Variants in SEH1L observed in about 807,000 individuals in gnomAD.
SEH1L encodes the protein nucleoporin SEH1.
SEH1L carries 18 observed loss-of-function variants against 49.5 expected under a neutral mutation model. That is an observed-to-expected ratio of 0.36 (90% CI 0.25 to 0.54). The LOEUF (loss-of-function observed/expected upper bound fraction) is 0.54. Among genes scored for constraint, SEH1L ranks in the 20% least tolerant of loss-of-function variants. The pLI, the probability that SEH1L is intolerant of heterozygous loss-of-function variation, is 0.87. For synonymous variants in SEH1L, 169 were observed against 178.1 expected (o/e 0.95, Z 0.41); for missense variants, 404 against 528.8 (o/e 0.76, Z 2.31).
At chr18:12,963,605 A>G (rs2031296376) in intron 4 of SEH1L, among the ~76,000 whole-genome samples, 2 of 152,238 alleles carry the variant, frequency 1.3e-5, no homozygotes. Context: ...TGCATATGCA[A>G]ATAACTATTT....
At chr18:12,980,878 C>A (rs1260848472) in intron 6 of SEH1L, among the ~76,000 whole-genome samples, 1 of 146,950 alleles carries the variant, frequency 6.8e-6, no homozygotes, top group African/African-American at 2.5e-5. Flanking sequence ...GGGCTGACCC[C>A]CCCCACCTCC....
chr18:12,951,654 G>A (rs947167860), intron 1 of SEH1L, among the ~76,000 whole-genome samples: 1 of 152,240 alleles, frequency 6.6e-6, no homozygotes, highest in Middle Eastern at 3.2e-3. Flanking sequence ...GCCTCCCAAA[G>A]TGCTGGGATT....
intron 5 of SEH1L, among the ~76,000 whole-genome samples, chr18:12,974,861 T>TCTAA (rs2031851508): frequency 6.6e-6 from 1 of 152,242 alleles, no homozygotes; most frequent in Non-Finnish European, 1.5e-5. Flanking sequence ...GAATGACTAG[T>TCTAA]CTAAGGTCCA....
chr18:12,980,620 C>T (rs1352156340), intron 6 of SEH1L, among the ~76,000 whole-genome samples: 1 of 133,984 alleles, frequency 7.5e-6, no homozygotes, highest in Non-Finnish European at 1.6e-5. Flanking sequence ...AGAGGGGCTC[C>T]TCTCTTCCCA....
chr18:12,965,744 G>A (rs2031421215), intron 4 of SEH1L, among the ~76,000 whole-genome samples: 1 of 152,162 alleles, frequency 6.6e-6, no homozygotes, highest in Non-Finnish European at 1.5e-5. Flanking sequence ...CATATATTTT[G>A]ACATTTTTTA....
At chr18:12,979,912 C>A (rs1411155357) in intron 6 of SEH1L, among the ~76,000 whole-genome samples, 1 of 125,168 alleles carries the variant, frequency 8.0e-6, no homozygotes, top group Non-Finnish European at 1.7e-5. Flanking sequence ...GGCGGCTGGC[C>A]GGGCAGAGGG....
intron 2 of SEH1L, 127 bp from the exon 3 acceptor site, chr18:12,955,336 A>T (rs2145610285): frequency 1.2e-6 from 1 of 822,272 alleles, no homozygotes; most frequent in East Asian, 2.5e-5. Context: ...TCTCTCATAG[A>T]AGTAAAACTA....
chr18:12,974,763 G>C (rs113792535), intron 5 of SEH1L, among the ~76,000 whole-genome samples: 8 of 152,310 alleles, frequency 5.3e-5, no homozygotes, highest in African/African-American at 1.9e-4. Flanking sequence ...GTGTTATGAA[G>C]TTTGAATCCT....
intron 5 of SEH1L, chr18:12,977,646 C>G (rs1216018967): frequency 6.6e-6 from 1 of 152,146 alleles, no homozygotes; most frequent in East Asian, 1.9e-4. Flanking sequence ...ATCACTTGAA[C>G]TCAGGAGGCG....
chr18:12,985,997 T>A, intron 8 of SEH1L: 1 of 900,488 alleles, frequency 1.1e-6, no homozygotes, highest in Non-Finnish European at 1.3e-6. Context: ...TTATATACAT[T>A]TGTGTATTTT....
rs780201740 is a variant in SEH1L at position 12,978,710 on chromosome 18, A to G, written c.621-42A>G. The G allele has an allele frequency of 1.9e-6, 3 of 1,566,274 alleles. No individual in the cohort carries two copies. In the Admixed American group the frequency reaches 5.1e-5, roughly 27 times the overall value. ...TGCAGTGATGTGTGGATTTTTGCAC[A>G]TTTTATTTCTAAAATGTTAATGTCA... On this transcript the variant is annotated intron_variant, in intron 5 of 8. Coordinates refer to ENST00000399892, the MANE Select transcript of SEH1L (RefSeq NM_001013437.2).
At chr18:12,956,006 C>CT (rs112254211) in intron 3 of SEH1L, among the ~76,000 whole-genome samples, 1,492 of 134,452 alleles carry the variant, frequency 0.011, 20 homozygotes, top group African/African-American at 0.037. Flanking sequence ...CTCTAAAATT[C>CT]TTTTTTTTTT....
chr18:12,950,752 T>G (rs1477976099), intron 1 of SEH1L, among the ~76,000 whole-genome samples: 2 of 152,246 alleles, frequency 1.3e-5, no homozygotes, highest in Non-Finnish European at 2.9e-5. Flanking sequence ...GTTATTGCCC[T>G]CGTTACATTT....
intron 6 of SEH1L, among the ~76,000 whole-genome samples, chr18:12,980,970 C>T (rs1237719220): frequency 6.6e-6 from 1 of 150,432 alleles, no homozygotes; most frequent in African/African-American, 2.4e-5. Flanking sequence ...CGGAGATGCT[C>T]CTCACTTCCC....
At chr18:12,962,631 C>CT (rs562045826) in intron 3 of SEH1L, among the ~76,000 whole-genome samples, 5,335 of 138,388 alleles carry the variant, frequency 0.039, 188 homozygotes, top group African/African-American at 0.092. Flanking sequence ...CCACACCTGG[C>CT]TTTTTTTTTT....
At chr18:12,948,556 C>T in intron 1 of SEH1L, 2 of 217,694 alleles carry the variant, frequency 9.2e-6, no homozygotes, top group Non-Finnish European at 1.8e-5. Context: ...TCAGCCTCGG[C>T]GTCGTGGGTC....
rs536814452 is a variant in SEH1L at position 12,953,151 on chromosome 18, T to C, written c.162+1246T>C. Among the ~76,000 whole-genome samples the C allele has an allele frequency of 7.9e-5, 12 of 152,344 alleles. No homozygotes were observed. The East Asian group carries it at 2.1e-3, about 27-fold the overall frequency. ...TACATAGTCCTTTGTGTCTGGCCAC[T>C]TTCCCTTTGCATGTTTTGAGGTTCA... On this transcript the variant is annotated intron_variant, in intron 2 of 8. Coordinates refer to ENST00000399892, the MANE Select transcript of SEH1L (RefSeq NM_001013437.2).
intron 7 of SEH1L, 94 bp from the exon 8 acceptor site, chr18:12,983,946 T>C: frequency 3.4e-6 from 3 of 880,428 alleles, no homozygotes; most frequent in Non-Finnish European, 5.1e-6. Context: ...CTCTGTCTCG[T>C]TTCTTTAATT....
chr18:12,961,665 T>C (rs1025675591), intron 3 of SEH1L, among the ~76,000 whole-genome samples: 11 of 152,140 alleles, frequency 7.2e-5, no homozygotes, highest in Non-Finnish European at 1.3e-4. Context: ...TGCTAAACTT[T>C]ATTGACTTAG....
Sources: gnomAD v4.1 joint callset for allele counts (sites outside exome capture counted in the v4.1 genomes callset) on GRCh38, gnomAD v4.1.1 for gene constraint, MANE v1.5 for transcripts, NCBI Gene and HGNC (gene_info 2026-07-23, HGNC 2026-07-21) for gene names.